Variants in ATE1 observed in about 807,000 individuals in gnomAD.
ATE1 encodes arginyltransferase 1.
ATE1 carries 36 observed loss-of-function variants against 70.5 expected under a neutral mutation model. The ratio of observed to expected loss-of-function variants is 0.51; its 90% confidence interval spans 0.39 to 0.67. The LOEUF (loss-of-function observed/expected upper bound fraction) is 0.67. Among genes scored for constraint, ATE1 ranks in the 30% least tolerant of loss-of-function variants. The pLI is 0.00. For synonymous variants in ATE1, 232 were observed against 219.3 expected (o/e 1.06, Z -0.51); for missense variants, 593 against 629.5 (o/e 0.94, Z 0.62).
intron 3 of ATE1, among the ~76,000 whole-genome samples, chr10:121,917,037 G>A (rs1295977076): frequency 2.0e-5 from 3 of 151,910 alleles, no homozygotes; most frequent in Admixed American, 6.6e-5. Flanking sequence ...AGTGGTGGGC[G>A]CCTGTAATCC....
chr10:121,914,369 A>AT (rs35196045), intron 3 of ATE1, among the ~76,000 whole-genome samples: 135 of 148,082 alleles, frequency 9.1e-4, no homozygotes, highest in African/African-American at 2.2e-3. Context: ...CCAGCAAGAG[A>AT]TTTTTTTTTT....
chr10:121,775,566 C>G (rs998052912), intron 11 of ATE1, among the ~76,000 whole-genome samples: 2 of 152,202 alleles, frequency 1.3e-5, no homozygotes, highest in Non-Finnish European at 2.9e-5. Flanking sequence ...AAGAGCCAAT[C>G]TGTCATCTCA....
At chr10:121,830,178 C>G (rs1398707921) in intron 10 of ATE1, among the ~76,000 whole-genome samples, 2 of 152,150 alleles carry the variant, frequency 1.3e-5, no homozygotes, top group East Asian at 3.8e-4. Flanking sequence ...TATGGTTTGA[C>G]CTGGTTTGCC....
intron 10 of ATE1, among the ~76,000 whole-genome samples, chr10:121,799,312 T>C (rs1256916418): frequency 6.6e-6 from 1 of 152,092 alleles, no homozygotes; most frequent in African/African-American, 2.4e-5. Flanking sequence ...ACAAGAGCTG[T>C]CAACAAGCTG....
At chr10:121,926,655 T>C (rs542011920) in intron 1 of ATE1, 135 of 882,594 alleles carry the variant, frequency 1.5e-4, no homozygotes, top group Admixed American at 2.5e-4. Context: ...ACTTATTGAT[T>C]TGATAAATAT....
intron 10 of ATE1, among the ~76,000 whole-genome samples, chr10:121,797,637 GA>G (rs1946712734): frequency 6.6e-6 from 1 of 150,702 alleles, no homozygotes; most frequent in Non-Finnish European, 1.5e-5. Flanking sequence ...ATAAGGCCCT[GA>G]GTGGCACGGC....
chr10:121,876,930 C>T (rs1405009284), intron 7 of ATE1, among the ~76,000 whole-genome samples: 3 of 149,342 alleles, frequency 2.0e-5, no homozygotes, highest in African/African-American at 5.0e-5. Context: ...AGCGCCACTG[C>T]ACTCCAGCCT....
rs1950164257 is a variant in ATE1 at position 121,879,502 on chromosome 10, C to G, written c.943-9464G>C. ...TTTATCTTGTTCCCTATGCTACATC[C>G]TCAGTCCAAAATAATGCCTGGCACA... On this transcript the variant is annotated intron_variant, in intron 7 of 11. Coordinates refer to ENST00000224652, the MANE Select transcript of ATE1 (RefSeq NM_001001976.3). Among the ~76,000 whole-genome samples the G allele has an allele frequency of 2.0e-5, 3 of 152,208 alleles. No individual in the cohort carries two copies. The South Asian group carries it at 6.2e-4, about 32-fold the overall frequency.
At chr10:121,821,633 C>T (rs1202892833) in intron 10 of ATE1, among the ~76,000 whole-genome samples, 1 of 152,198 alleles carries the variant, frequency 6.6e-6, no homozygotes, top group Non-Finnish European at 1.5e-5. Flanking sequence ...GTAATCCCAG[C>T]ACTTTAGGAG....
In ATE1 at chr10:121,912,745, CT is replaced by C. The variant is rs78920278; in HGVS notation, c.337+1044del. The stretch of plus-strand genomic sequence containing the variant: ...ATTTTTCTAACTCAGAACCTAATTC[CT>C]TTTTTTTTTTTTGGTGGAGACAGAG... On this transcript the variant is annotated intron_variant, in intron 4 of 11. Coordinates refer to ENST00000224652, the MANE Select transcript of ATE1 (RefSeq NM_001001976.3). Among the ~76,000 whole-genome samples the C allele has an allele frequency of 5.0e-3, 710 of 142,850 alleles. 1 individual carries two copies. Among genetic ancestry groups the C allele is most frequent in the Admixed American group, 4.6e-3 (66 of 14,208 alleles). The allele number at this position is 142,850 out of a possible 152,430, so 93.7% of individuals were successfully genotyped here.
chr10:121,826,008 A>G (rs1410302504), intron 10 of ATE1, among the ~76,000 whole-genome samples: 2 of 152,254 alleles, frequency 1.3e-5, no homozygotes, highest in Non-Finnish European at 2.9e-5. Flanking sequence ...AGAAATTGAC[A>G]TATGTGACAA....
intron 10 of ATE1, among the ~76,000 whole-genome samples, chr10:121,791,062 G>GTATATATA (rs1564840807): frequency 5.4e-5 from 1 of 18,508 alleles, no homozygotes; most frequent in East Asian, 9.1e-4. Context: ...ATACGTGTGT[G>GTATATATA]TGTGTGTGTG....
chr10:121,756,215 T>A (rs938566831), intron 11 of ATE1, among the ~76,000 whole-genome samples: 1 of 152,218 alleles, frequency 6.6e-6, no homozygotes, highest in Admixed American at 6.5e-5. Flanking sequence ...CTCCTTTGAC[T>A]CCATGCCTCG....
intron 1 of ATE1, among the ~76,000 whole-genome samples, chr10:121,926,313 C>T (rs1952086283): frequency 1.3e-5 from 2 of 152,150 alleles, no homozygotes; most frequent in South Asian, 2.1e-4. Flanking sequence ...AAAAGCATGG[C>T]ACTGGAGTCC....
chr10:121,815,398 G>A (rs759310526), intron 10 of ATE1, among the ~76,000 whole-genome samples: 1 of 152,100 alleles, frequency 6.6e-6, no homozygotes, highest in African/African-American at 2.4e-5. Flanking sequence ...GCCTCCCAAA[G>A]TGCTGGGATT....
intron 11 of ATE1, among the ~76,000 whole-genome samples, chr10:121,774,351 C>T (rs1412713683): frequency 6.6e-6 from 1 of 152,126 alleles, no homozygotes; most frequent in Non-Finnish European, 1.5e-5. Context: ...CCCCCCTCCT[C>T]CCCAATACTC....
At chr10:121,927,255 G>A (rs1027533393) in intron 1 of ATE1, 1 of 985,238 alleles carries the variant, frequency 1.0e-6, no homozygotes, top group African/African-American at 1.7e-5. Context: ...TAAGCAAATG[G>A]TAAAAATTTC....
chr10:121,766,846 C>A (rs1945298807), intron 11 of ATE1, among the ~76,000 whole-genome samples: 1 of 152,174 alleles, frequency 6.6e-6, no homozygotes, highest in African/African-American at 2.4e-5. Flanking sequence ...GAGGCTTCCA[C>A]CACTCGTTCA....
chr10:121,772,205 A>G (rs1945548086), intron 11 of ATE1, among the ~76,000 whole-genome samples: 1 of 152,222 alleles, frequency 6.6e-6, no homozygotes, highest in African/African-American at 2.4e-5. Flanking sequence ...GATGATCTTC[A>G]TTTCATGTTC....
Sources: gnomAD v4.1 joint callset for allele counts (sites outside exome capture counted in the v4.1 genomes callset) on GRCh38, gnomAD v4.1.1 for gene constraint, MANE v1.5 for transcripts, NCBI Gene and HGNC (gene_info 2026-07-23, HGNC 2026-07-21) for gene names.